The following SPAG16 variants were observed in gnomAD, a reference collection of about 807,000 sequenced individuals.
SPAG16 encodes the protein sperm associated antigen 16, also known as sperm-associated antigen 16 protein.
In SPAG16, 86 loss-of-function variants were observed where a neutral mutation model predicts 80.4. That is an observed-to-expected ratio of 1.07 (90% CI 0.90 to 1.28). The LOEUF is 1.28. Ranked by LOEUF, SPAG16 falls within the 50% of genes most tolerant of loss-of-function variation. SPAG16 has a pLI of 0.00. For missense variants in SPAG16, 870 were observed against 765.3 expected, an observed-to-expected ratio of 1.14 and a Z score of -1.61; for synonymous variants, 294 against 265.9, an observed-to-expected ratio of 1.11 and a Z score of -1.03.
chr2:213,887,523 A>G (rs76618577), intron 11 of SPAG16, among the ~76,000 whole-genome samples: 1 of 151,904 alleles, frequency 6.6e-6, no homozygotes, highest in Non-Finnish European at 1.5e-5. Flanking sequence ...TGAAACATGT[A>G]ATTTAAAAAA....
rs1273235333 is a variant in SPAG16 at position 214,012,313 on chromosome 2, C to T, written c.1401-1638C>T. ...ATTTTTTTTTTTTTTTTTTTTTCCT[C>T]GAGAGGGCATCTCGCTCTGTCACCC... On this transcript the variant is annotated intron_variant, in intron 12 of 15. Coordinates refer to ENST00000331683, the MANE Select transcript of SPAG16 (RefSeq NM_024532.5). Among the ~76,000 whole-genome samples, 22 of 32,454 alleles carry T rather than the reference C, an allele frequency of 6.8e-4. 1 individual carries two copies. The highest frequency in any genetic ancestry group is 4.3e-4 in the Admixed American group (1 of 2,328). The allele number at this position is 32,454 out of a possible 152,430, so 21.3% of individuals were successfully genotyped here.
chr2:213,313,941 G>A (rs1308590856), intron 4 of SPAG16, among the ~76,000 whole-genome samples: 3 of 151,776 alleles, frequency 2.0e-5, no homozygotes, highest in African/African-American at 7.3e-5. Context: ...TATAGGCTTC[G>A]TATAAGGAGA....
intron 15 of SPAG16, among the ~76,000 whole-genome samples, chr2:214,233,808 G>A (rs1688876207): frequency 6.6e-6 from 1 of 151,974 alleles, no homozygotes; most frequent in African/African-American, 2.4e-5. Context: ...AAAATTATGA[G>A]GTATAATTAC....
chr2:213,754,037 A>G (rs1228532055), intron 10 of SPAG16, among the ~76,000 whole-genome samples: 1 of 152,206 alleles, frequency 6.6e-6, no homozygotes, highest in African/African-American at 2.4e-5. Flanking sequence ...CTAACCTAGT[A>G]TTTATCAAAA....
At chr2:214,172,899 C>A (rs920728559) in intron 15 of SPAG16, among the ~76,000 whole-genome samples, 1 of 152,118 alleles carries the variant, frequency 6.6e-6, no homozygotes, top group Admixed American at 6.6e-5. Flanking sequence ...TAAATGTCTT[C>A]TTTTGAGAAG....
At chr2:213,950,268 T>C (rs531894267) in intron 12 of SPAG16, among the ~76,000 whole-genome samples, 1 of 152,288 alleles carries the variant, frequency 6.6e-6, no homozygotes, top group South Asian at 2.1e-4. Flanking sequence ...TGTATCTTTA[T>C]TTTTCTTTAT....
chr2:213,803,741 G>A (rs115401703), intron 10 of SPAG16, among the ~76,000 whole-genome samples: 1,645 of 152,170 alleles, frequency 0.011, 27 homozygotes, highest in African/African-American at 0.038. Context: ...AATGTATTAT[G>A]TATGTATATA....
At chr2:214,214,038 A>G (rs944809195) in intron 15 of SPAG16, among the ~76,000 whole-genome samples, 1 of 152,126 alleles carries the variant, frequency 6.6e-6, no homozygotes, top group Non-Finnish European at 1.5e-5. Context: ...TCAAACCTAC[A>G]TTCCCACTAT....
intron 1 of SPAG16, among the ~76,000 whole-genome samples, chr2:213,288,152 A>C (rs1002552153): frequency 6.6e-6 from 1 of 152,118 alleles, no homozygotes; most frequent in Non-Finnish European, 1.5e-5. Context: ...TCCTGTGCTC[A>C]AGGCATCCTA....
chr2:213,580,032 G>A (rs1312126081), intron 10 of SPAG16, among the ~76,000 whole-genome samples: 1 of 152,066 alleles, frequency 6.6e-6, no homozygotes, highest in Non-Finnish European at 1.5e-5. Flanking sequence ...GAAGTAGGAA[G>A]GTCACTCTCA....
At chr2:213,778,040 T>C (rs555554479) in intron 10 of SPAG16, among the ~76,000 whole-genome samples, 3 of 152,222 alleles carry the variant, frequency 2.0e-5, no homozygotes, top group African/African-American at 7.2e-5. Context: ...AATTTCTGGA[T>C]ATGTAAAAAT....
At chr2:214,367,622 CATAG>C (rs1377899748) in intron 15 of SPAG16, among the ~76,000 whole-genome samples, 1 of 152,260 alleles carries the variant, frequency 6.6e-6, no homozygotes, top group Non-Finnish European at 1.5e-5. Flanking sequence ...CTTCAGGAAA[CATAG>C]ATAGACTACA....
chr2:213,870,610 A>G (rs1246756407), intron 11 of SPAG16, among the ~76,000 whole-genome samples: 1 of 152,174 alleles, frequency 6.6e-6, no homozygotes, highest in Non-Finnish European at 1.5e-5. Flanking sequence ...AAGGATGGTA[A>G]TATATATCAA....
chr2:213,707,906 T>C (rs918610982), intron 10 of SPAG16, among the ~76,000 whole-genome samples: 1 of 152,180 alleles, frequency 6.6e-6, no homozygotes, highest in African/African-American at 2.4e-5. Context: ...TCTGGAGATA[T>C]AGATCCTATA....
chr2:213,754,403 TTTTA>T (rs2068221392), intron 10 of SPAG16, among the ~76,000 whole-genome samples: 1 of 152,184 alleles, frequency 6.6e-6, no homozygotes, highest in Non-Finnish European at 1.5e-5. Context: ...ATTTGCTCAT[TTTTA>T]TTTATTTTTC....
chr2:214,175,243 A>C (rs1283300795), intron 15 of SPAG16, among the ~76,000 whole-genome samples: 1 of 81,070 alleles, frequency 1.2e-5, no homozygotes, highest in Non-Finnish European at 2.8e-5. Context: ...ATATAAAGAA[A>C]TGTATATATA....
At chr2:213,977,822 T>A (rs550190309) in intron 12 of SPAG16, among the ~76,000 whole-genome samples, 1 of 152,220 alleles carries the variant, frequency 6.6e-6, no homozygotes, top group East Asian at 1.9e-4. Flanking sequence ...GGTGACATAA[T>A]CTGCATACAA....
chr2:213,422,896 T>G (rs562272458), intron 9 of SPAG16, among the ~76,000 whole-genome samples: 2 of 152,358 alleles, frequency 1.3e-5, no homozygotes, highest in African/African-American at 4.8e-5. Context: ...AACAGCATCC[T>G]TAGTCTATGA....
At chr2:214,271,857 A>AGG (rs1232190402) in intron 15 of SPAG16, among the ~76,000 whole-genome samples, 2 of 148,020 alleles carry the variant, frequency 1.4e-5, no homozygotes, top group African/African-American at 4.9e-5. Context: ...CCCCCCAAAA[A>AGG]AAAAGAAAGA....
Sources: gnomAD v4.1 joint callset for allele counts (sites outside exome capture counted in the v4.1 genomes callset) on GRCh38, gnomAD v4.1.1 for gene constraint, MANE v1.5 for transcripts, NCBI Gene and HGNC (gene_info 2026-07-23, HGNC 2026-07-21) for gene names.